Variants in CDH18 observed in about 807,000 individuals in gnomAD.
CDH18 encodes the protein cadherin-18.
A neutral mutation model predicts 67.9 loss-of-function variants in CDH18; 31 were observed. The ratio of observed to expected loss-of-function variants is 0.46; its 90% CI spans 0.34 to 0.62. The LOEUF (loss-of-function observed/expected upper bound fraction) is 0.62. Among genes scored for constraint, CDH18 ranks in the 20% least tolerant of loss-of-function variants. CDH18 has a pLI of 0.01. For synonymous variants in CDH18, 362 were observed against 347.2 expected, an observed-to-expected ratio of 1.04 and a Z score of -0.48; for missense variants, 890 against 975.5, an observed-to-expected ratio of 0.91 and a Z score of 1.17.
chr5:20,361,111 G>A (rs895956482), intron 1 of CDH18, among the ~76,000 whole-genome samples: 5 of 151,884 alleles, frequency 3.3e-5, no homozygotes, highest in African/African-American at 1.2e-4. Flanking sequence ...TTTTAGTTCT[G>A]CAATGCTTTC....
intron 2 of CDH18, among the ~76,000 whole-genome samples, chr5:19,898,947 C>T (rs1789638272): frequency 6.6e-6 from 1 of 152,114 alleles, no homozygotes; most frequent in Non-Finnish European, 1.5e-5. Flanking sequence ...GGAACTCCTA[C>T]AACTCAAGAG....
chr5:20,307,951 T>C, intron 1 of CDH18, among the ~76,000 whole-genome samples: 1 of 152,146 alleles, frequency 6.6e-6, no homozygotes, highest in East Asian at 1.9e-4. Flanking sequence ...AACAATTTAA[T>C]TTAGAAACAG....
intron 1 of CDH18, among the ~76,000 whole-genome samples, chr5:20,376,358 G>T (rs866203812): frequency 1.7e-4 from 25 of 151,414 alleles, no homozygotes; most frequent in Non-Finnish European, 7.4e-5. Flanking sequence ...AAAGTGCTGG[G>T]ATTACAGGCG....
intron 5 of CDH18, among the ~76,000 whole-genome samples, chr5:19,673,635 G>A (rs1364945490): frequency 6.6e-6 from 1 of 151,946 alleles, no homozygotes; most frequent in East Asian, 1.9e-4. Flanking sequence ...ATTAAATCAA[G>A]TAACTTCAAC....
intron 3 of CDH18, among the ~76,000 whole-genome samples, chr5:19,813,149 G>A (rs1393455480): frequency 6.6e-6 from 1 of 152,032 alleles, no homozygotes; most frequent in African/African-American, 2.4e-5. Flanking sequence ...GACGGGTGGG[G>A]GACTGGGGGA....
intron 1 of CDH18, among the ~76,000 whole-genome samples, chr5:20,429,432 CT>C (rs1748569227): frequency 6.6e-6 from 1 of 152,094 alleles, no homozygotes; most frequent in Non-Finnish European, 1.5e-5. Flanking sequence ...CCCAGAATCA[CT>C]AATTTGATCT....
intron 2 of CDH18, among the ~76,000 whole-genome samples, chr5:20,027,222 T>G (rs997541316): frequency 6.6e-6 from 1 of 152,194 alleles, no homozygotes; most frequent in Non-Finnish European, 1.5e-5. Flanking sequence ...TACATATGAT[T>G]AAACTATGTG....
At chr5:19,617,276 G>A (rs1052663500) in intron 5 of CDH18, among the ~76,000 whole-genome samples, 1 of 152,158 alleles carries the variant, frequency 6.6e-6, no homozygotes, top group Non-Finnish European at 1.5e-5. Context: ...ATTGTAAAAG[G>A]TAAGCCAATG....
intron 2 of CDH18, among the ~76,000 whole-genome samples, chr5:20,134,874 C>G (rs578056495): frequency 8.5e-4 from 130 of 152,202 alleles, no homozygotes; most frequent in Non-Finnish European, 1.2e-3. Context: ...GAGAGAGGGA[C>G]TGTTCTATTA....
intron 8 of CDH18, among the ~76,000 whole-genome samples, chr5:19,547,358 T>C (rs1467789048): frequency 6.6e-6 from 1 of 152,180 alleles, no homozygotes; most frequent in East Asian, 1.9e-4. Flanking sequence ...GGATTCAAAT[T>C]TGGAACTTAT....
intron 2 of CDH18, among the ~76,000 whole-genome samples, chr5:19,852,736 C>T (rs1334524355): frequency 6.6e-6 from 1 of 151,960 alleles, no homozygotes; most frequent in Admixed American, 6.6e-5. Flanking sequence ...TTCACTTTTA[C>T]GAAAACCCAT....
chr5:20,212,471 T>C (rs1328895824), intron 2 of CDH18, among the ~76,000 whole-genome samples: 1 of 151,810 alleles, frequency 6.6e-6, no homozygotes, highest in Non-Finnish European at 1.5e-5. Flanking sequence ...CCAAGACACA[T>C]AATTGTCAGA....
At chr5:19,846,791 G>T (rs187426250) in intron 2 of CDH18, among the ~76,000 whole-genome samples, 8 of 152,204 alleles carry the variant, frequency 5.3e-5, no homozygotes, top group Non-Finnish European at 1.5e-5. Flanking sequence ...ACTCCTTTTG[G>T]AATCTTTTGT....
intron 3 of CDH18, among the ~76,000 whole-genome samples, chr5:19,747,888 C>A (rs1042009554): frequency 3.3e-5 from 5 of 151,146 alleles, no homozygotes; most frequent in African/African-American, 1.2e-4. Flanking sequence ...GTGGGCAGAT[C>A]ACGAGGTCAG....
chr5:20,377,823 G>A (rs549462891), intron 1 of CDH18, among the ~76,000 whole-genome samples: 2 of 152,276 alleles, frequency 1.3e-5, no homozygotes, highest in South Asian at 4.1e-4. Context: ...TTCAACTGAA[G>A]AACACAGGTA....
At chr5:20,098,713 G>C (rs1283861989) in intron 2 of CDH18, among the ~76,000 whole-genome samples, 2 of 152,050 alleles carry the variant, frequency 1.3e-5, no homozygotes, top group Non-Finnish European at 2.9e-5. Flanking sequence ...AATACAAATA[G>C]AGAAACCCTT....
At chr5:19,989,829 A>C (rs958115205), upstream of CDH18, among the ~76,000 whole-genome samples, 3 of 152,152 alleles carry the variant, frequency 2.0e-5, no homozygotes, top group African/African-American at 7.2e-5. Context: ...GTAGAACAGG[A>C]ATTGAATTAT....
chr5:19,555,446 C>A, intron 8 of CDH18, among the ~76,000 whole-genome samples: 1 of 152,122 alleles, frequency 6.6e-6, no homozygotes, highest in East Asian at 1.9e-4. Context: ...GGGAGTGAGA[C>A]CAGCTGTTTG....
intron 2 of CDH18, among the ~76,000 whole-genome samples, chr5:20,161,035 T>C (rs1453984604): frequency 6.6e-6 from 1 of 152,194 alleles, no homozygotes; most frequent in African/African-American, 2.4e-5. Context: ...GCTGTTGTGT[T>C]ACAACAGAAC....
Sources: gnomAD v4.1 joint callset for allele counts (sites outside exome capture counted in the v4.1 genomes callset) on GRCh38, gnomAD v4.1.1 for gene constraint, MANE v1.5 for transcripts, NCBI Gene and HGNC (gene_info 2026-07-23, HGNC 2026-07-21) for gene names.